The following TMEM63A variants were observed in gnomAD, a reference collection of about 807,000 sequenced individuals.
TMEM63A encodes the protein transmembrane protein 63A, also known as mechanosensitive cation channel TMEM63A.
A neutral mutation model predicts 100.6 loss-of-function variants in TMEM63A; 76 were observed. The ratio of observed to expected loss-of-function variants is 0.76; its 90% CI spans 0.63 to 0.91. The LOEUF (loss-of-function observed/expected upper bound fraction) is 0.91. TMEM63A is among the 40% of genes least tolerant of loss of function. The pLI is 0.00. For missense variants in TMEM63A, 876 were observed against 1,008.8 expected (o/e 0.87, Z 1.78); for synonymous variants, 401 against 401.1 (o/e 1.00, Z 0.00).
At chr1:225,871,172 T>C (rs1670492794) in intron 5 of TMEM63A, 59 bp from the exon 6 acceptor site, 1 of 1,559,278 alleles carries the variant, frequency 6.4e-7, no homozygotes, top group East Asian at 2.3e-5. Flanking sequence ...GAGGCAGATG[T>C]AACCATTGTC....
At chr1:225,870,440 C>A (rs1159765755) in intron 6 of TMEM63A, among the ~76,000 whole-genome samples, 2 of 23,108 alleles carry the variant, frequency 8.7e-5, no homozygotes, top group African/African-American at 4.5e-4. Flanking sequence ...TCACATCAGT[C>A]CCCGCCCCCC....
At chr1:225,857,395 G>GGGGGGGGGGGGGGGT (rs1669692294) in intron 15 of TMEM63A, among the ~76,000 whole-genome samples, 1 of 124,278 alleles carries the variant, frequency 8.0e-6, no homozygotes, top group African/African-American at 3.7e-5. Context: ...GGGGGGGGGG[G>GGGGGGGGGGGGGGGT]GGTGCCCTGC....
At chr1:225,872,211 T>G (rs1342216325) in intron 4 of TMEM63A, among the ~76,000 whole-genome samples, 158 bp from the exon 5 acceptor site, 1 of 151,976 alleles carries the variant, frequency 6.6e-6, no homozygotes, top group Admixed American at 6.6e-5. Flanking sequence ...ACTCACTCTG[T>G]GAAAGATAGA....
downstream of TMEM63A, chr1:225,844,600 C>G (rs777035990): frequency 6.2e-7 from 1 of 1,614,054 alleles, no homozygotes; most frequent in African/African-American, 1.3e-5. Context: ...TGGGACAGGG[C>G]TGGATGACCC....
chr1:225,877,644 T>G, intron 2 of TMEM63A, 50 bp from the exon 3 acceptor site: 1 of 1,531,386 alleles, frequency 6.5e-7, no homozygotes, highest in Non-Finnish European at 8.8e-7. Context: ...CTCAAATTTC[T>G]TGCAGGTTCC....
downstream of TMEM63A, chr1:225,845,007 C>T (rs1668820151): frequency 2.1e-6 from 2 of 961,254 alleles, no homozygotes; most frequent in African/African-American, 3.2e-5. Context: ...CGGTTGAGAC[C>T]CTGGATTTGT....
At chr1:225,843,142 AGTG>A (rs1460884845), downstream of TMEM63A, among the ~76,000 whole-genome samples, 1 of 152,216 alleles carries the variant, frequency 6.6e-6, no homozygotes, top group East Asian at 1.9e-4. Flanking sequence ...CCGGGTGAAC[AGTG>A]GGAGAGCCCA....
intron 3 of TMEM63A, among the ~76,000 whole-genome samples, 175 bp from the exon 4 acceptor site, chr1:225,874,542 C>T (rs1390396847): frequency 6.6e-6 from 1 of 152,250 alleles, no homozygotes; most frequent in Non-Finnish European, 1.5e-5. Context: ...AGCCCGGATG[C>T]TTTGCTCACC....
In TMEM63A at chr1:225,866,700, T is replaced by C. The variant is rs763454429; in HGVS notation, c.567-18A>G. Reference sequence around the variant, plus strand: ...GGTCATTGCTGAGAGGGAAACCACCTGCCATCAGGGCTGGGATCCCAGGCA... The same window carrying C: ...GGTCATTGCTGAGAGGGAAACCACCCGCCATCAGGGCTGGGATCCCAGGCA... On this transcript the variant is annotated intron_variant, in intron 8 of 24. Transcript: ENST00000366835. 2 of 1,611,102 alleles carry C rather than the reference T, an allele frequency of 1.2e-6. No individual in the cohort carries two copies. Among genetic ancestry groups the C allele is most frequent in the Non-Finnish European group, 1.7e-6 (2 of 1,177,626 alleles).
In TMEM63A at chr1:225,862,072, G is replaced by GT; in HGVS notation, c.1085+145dup. The GT allele has an allele frequency of 8.0e-7, 1 of 1,252,500 alleles. No individual in the cohort carries two copies. Among genetic ancestry groups the GT allele is most frequent in the Non-Finnish European group, 1.1e-6 (1 of 915,384 alleles). The allele number at this position is 1,252,500 out of a possible 1,614,324, so 77.6% of individuals were successfully genotyped here. A position where few individuals can be genotyped will look rare whatever the true frequency, so the allele number is the denominator to read the frequency against. ...CTGGGCTGGCTGAAAGTGAGTGTGG[G>GT]TAGCTGAGGGAGGAGAAGGAAACAC... On this transcript the variant is annotated intron_variant, in intron 13 of 24. Coordinates refer to ENST00000366835, the MANE Select transcript of TMEM63A (RefSeq NM_014698.3). This position sits in a 1 kb window ranked among gnomAD's most constrained non-coding sequence, Gnocchi z 5.1.
Position 225,853,550 on chromosome 1 carries a change from G to A in TMEM63A, c.1797+79C>T. 1 of 1,381,494 alleles carries A rather than the reference G, an allele frequency of 7.2e-7. No homozygotes were observed. Among genetic ancestry groups the A allele is most frequent in the East Asian group, 2.6e-5 (1 of 38,192 alleles). 85.6% of individuals were successfully genotyped at this position (1,381,494 alleles called of 1,614,324 possible). A position where few individuals can be genotyped will look rare whatever the true frequency, so the allele number is the denominator to read the frequency against. ...ATGCTACCCACTAGTGGGGGTAGTGGGGGTGAGAGGCCCTCGGGTCAGTGA... is the reference window on the plus strand; with the variant it reads ...ATGCTACCCACTAGTGGGGGTAGTGAGGGTGAGAGGCCCTCGGGTCAGTGA... On this transcript the variant is annotated intron_variant, in intron 19 of 24. Transcript: ENST00000366835. This position sits in a 1 kb window ranked among gnomAD's most constrained non-coding sequence, Gnocchi z 4.0.
intron 1 of TMEM63A, among the ~76,000 whole-genome samples, chr1:225,881,773 G>A (rs1289238558): frequency 1.3e-5 from 2 of 152,168 alleles, no homozygotes; most frequent in Non-Finnish European, 1.5e-5. Context: ...TCTTAGCAGA[G>A]CTCGCCTCAC....
intron 17 of TMEM63A, 95 bp downstream of exon 17, chr1:225,856,557 G>C (rs184282363): frequency 3.0e-6 from 4 of 1,312,272 alleles, no homozygotes. Flanking sequence ...TTAGAGGTTT[G>C]CTTCTGCTGC....
In TMEM63A at chr1:225,853,038, T is replaced by C. The variant is rs1669432463; in HGVS notation, c.1798-269A>G. Among the ~76,000 whole-genome samples the C allele has an allele frequency of 6.6e-6, 1 of 151,876 alleles. No individual in the cohort carries two copies. Among genetic ancestry groups the C allele is most frequent in the Non-Finnish European group, 1.5e-5 (1 of 67,974 alleles). ...CATGTGAGCCCCTGGAGGGAAGAGG[T>C]GGTCAGGGAAGAGGTGTAGAGTGAC... On this transcript the variant is annotated intron_variant, in intron 19 of 24. Transcript: ENST00000366835. This position sits in a 1 kb window ranked among gnomAD's most constrained non-coding sequence, Gnocchi z 4.0.
At chr1:225,859,144 G>A in intron 15 of TMEM63A, 52 bp downstream of exon 15, 1 of 1,612,254 alleles carries the variant, frequency 6.2e-7, no homozygotes, top group Non-Finnish European at 8.5e-7. Flanking sequence ...CACCCACCAA[G>A]CCCTCTTCTC....
downstream of TMEM63A, chr1:225,844,585 GAACCTGGGACA>G: frequency 1.9e-6 from 3 of 1,614,152 alleles, no homozygotes; most frequent in Non-Finnish European, 2.5e-6. Context: ...TCTACAAGGA[GAACCTGGGACA>G]GGGCTGGATG....
At chr1:225,855,500 C>T (rs994769835) in intron 18 of TMEM63A, among the ~76,000 whole-genome samples, 8 of 152,160 alleles carry the variant, frequency 5.3e-5, no homozygotes, top group Middle Eastern at 3.4e-3. Context: ...CCCCAGAGCC[C>T]AGAGGCATCC....
At position 225,846,611 on chromosome 1, in the gene TMEM63A, GGGA is replaced by G. The variant is rs1669001452; in HGVS notation, c.*325_*327del. On this transcript the variant is annotated 3_prime_UTR_variant, in exon 25 of 25. Coordinates refer to ENST00000366835, the MANE Select transcript of TMEM63A (RefSeq NM_014698.3). The stretch of plus-strand genomic sequence containing the variant: ...TTATCGGTTGTGTGTGTGCTCAGAA[GGGA>G]GGAGGCCTTCCCCTTGTTACATCTC... 6.4e-6 allele frequency: 1 copy of G among 157,272 alleles called. No individual in the cohort carries two copies. The highest frequency in any genetic ancestry group is 2.0e-4 in the South Asian group (1 of 5,064). The allele number at this position is 157,272 out of a possible 1,614,324, so 9.7% of individuals were successfully genotyped here.
intron 22 of TMEM63A, 22 bp downstream of exon 22, chr1:225,848,875 C>A: frequency 6.5e-7 from 1 of 1,545,648 alleles, no homozygotes; most frequent in Non-Finnish European, 8.8e-7. Context: ...CTTGACCGGG[C>A]AGTGGGGTCG....
Sources: allele counts gnomAD v4.1 joint callset (sites outside exome capture counted in the v4.1 genomes callset), GRCh38; gene constraint gnomAD v4.1.1; non-coding constraint Gnocchi (gnomAD v3.1); transcripts MANE v1.5; gene names NCBI Gene and HGNC (gene_info 2026-07-23, HGNC 2026-07-21).